MALRD1: variants seen among roughly 807,000 people sequenced by gnomAD.
The protein encoded by MALRD1 is MAM and LDL-receptor class A domain-containing protein 1.
Under a neutral mutation model 242.1 loss-of-function variants are expected in MALRD1, and 247 were observed. The ratio of observed to expected loss-of-function variants is 1.02; its 90% CI spans 0.92 to 1.13. The LOEUF (loss-of-function observed/expected upper bound fraction) is 1.13. Among genes scored for constraint, MALRD1 ranks in the 50% most tolerant of loss-of-function variants. The pLI is 0.00. For missense variants in MALRD1, 2,989 were observed against 2,533.1 expected (o/e 1.18, Z -3.86); for synonymous variants, 995 against 866.6 (o/e 1.15, Z -2.60).
At chr10:19,523,702 T>G (rs1221446604) in intron 31 of MALRD1, among the ~76,000 whole-genome samples, 1 of 152,194 alleles carries the variant, frequency 6.6e-6, no homozygotes, top group Non-Finnish European at 1.5e-5. Context: ...ATATATCATC[T>G]TCCTGTGATT....
chr10:19,479,753 A>T (rs1168869758), intron 29 of MALRD1, among the ~76,000 whole-genome samples: 1 of 152,104 alleles, frequency 6.6e-6, no homozygotes, highest in Non-Finnish European at 1.5e-5. Flanking sequence ...ATGTAAACAG[A>T]TTGGTGGGGC....
intron 34 of MALRD1, among the ~76,000 whole-genome samples, chr10:19,602,304 T>C (rs1037330691): frequency 6.6e-6 from 1 of 150,404 alleles, no homozygotes; most frequent in Non-Finnish European, 1.5e-5. Context: ...CATTAACTCA[T>C]CATTTACATT....
At chr10:19,529,079 G>A (rs756508365) in intron 31 of MALRD1, among the ~76,000 whole-genome samples, 5 of 152,178 alleles carry the variant, frequency 3.3e-5, no homozygotes, top group African/African-American at 1.2e-4. Flanking sequence ...CCCTTCAGGA[G>A]CCCTCCCACA....
chr10:19,692,621 T>C, intron 38 of MALRD1, 67 bp downstream of exon 38: 1 of 1,271,220 alleles, frequency 7.9e-7, no homozygotes, highest in Non-Finnish European at 1.1e-6. Flanking sequence ...AACATTTCCT[T>C]TGCTATTTTT....
At chr10:19,515,072 G>T (rs1833566414) in intron 31 of MALRD1, among the ~76,000 whole-genome samples, 1 of 143,190 alleles carries the variant, frequency 7.0e-6, no homozygotes. Flanking sequence ...CATTTCTTAT[G>T]CTTTAGGACA....
chr10:19,074,444 A>G (rs1342271028), intron 2 of MALRD1, among the ~76,000 whole-genome samples: 3 of 152,106 alleles, frequency 2.0e-5, no homozygotes, highest in Admixed American at 1.3e-4. Flanking sequence ...GTGTGTGTGC[A>G]TGAATTTGAA....
At position 19,064,453 on chromosome 10, in the gene MALRD1, A is replaced by T. The variant is rs187670619; in HGVS notation, c.200-2266A>T. Among the ~76,000 whole-genome samples the T allele has an allele frequency of 1.7e-4, 26 of 152,234 alleles. No homozygotes were observed. The South Asian group carries it at 2.7e-3, about 16-fold the overall frequency. ...TCTATTGAGGAAAATGAGTATTTGG[A>T]AAATTTTCTGATGTATTTTTGAGTC... is the stretch of plus-strand genomic sequence containing the variant. On this transcript the variant is annotated intron_variant, in intron 1 of 39. Coordinates refer to ENST00000454679, the MANE Select transcript of MALRD1 (RefSeq NM_001142308.3).
chr10:19,250,718 A>T (rs2131782797), intron 18 of MALRD1, among the ~76,000 whole-genome samples: 1 of 151,956 alleles, frequency 6.6e-6, no homozygotes, highest in East Asian at 1.9e-4. Flanking sequence ...AGTTAATCTC[A>T]TATGAGTTGA....
chr10:19,120,136 G>A (rs553186871), intron 5 of MALRD1, among the ~76,000 whole-genome samples: 1 of 152,076 alleles, frequency 6.6e-6, no homozygotes, highest in Non-Finnish European at 1.5e-5. Flanking sequence ...AAGGTTGTGG[G>A]TGTGTAGAGA....
At chr10:19,186,374 A>C (rs1835737946) in intron 14 of MALRD1, among the ~76,000 whole-genome samples, 1 of 152,168 alleles carries the variant, frequency 6.6e-6, no homozygotes, top group African/African-American at 2.4e-5. Flanking sequence ...ACGTCCATTC[A>C]CCCTCATTTA....
At chr10:19,412,952 GAAAGA>G (rs1833336727) in intron 28 of MALRD1, among the ~76,000 whole-genome samples, 1 of 151,978 alleles carries the variant, frequency 6.6e-6, no homozygotes, top group South Asian at 2.1e-4. Context: ...TACAAAGAAA[GAAAGA>G]AAATTATTCC....
intron 36 of MALRD1, among the ~76,000 whole-genome samples, chr10:19,640,207 A>C (rs937468376): frequency 6.6e-6 from 1 of 152,100 alleles, no homozygotes; most frequent in African/African-American, 2.4e-5. Flanking sequence ...CTCCTGCCTC[A>C]GCCTCCCAAG....
chr10:19,457,158 C>A (rs746688137), intron 29 of MALRD1, among the ~76,000 whole-genome samples: 1 of 152,084 alleles, frequency 6.6e-6, no homozygotes, highest in Admixed American at 6.6e-5. Flanking sequence ...CAAATATCAG[C>A]TGAGTTGATT....
At chr10:19,079,012 T>G (rs1439270945) in intron 2 of MALRD1, among the ~76,000 whole-genome samples, 2 of 151,448 alleles carry the variant, frequency 1.3e-5, no homozygotes, top group African/African-American at 2.4e-5. Context: ...TTTTATTTAT[T>G]TCTTCTCTAA....
chr10:19,228,227 C>G (rs952386242), intron 18 of MALRD1, among the ~76,000 whole-genome samples: 4 of 152,042 alleles, frequency 2.6e-5, no homozygotes, highest in Non-Finnish European at 5.9e-5. Context: ...TAAAAAGGAG[C>G]AAACTGATAC....
chr10:19,337,205 G>T (rs1843652450), intron 24 of MALRD1, among the ~76,000 whole-genome samples: 2 of 152,048 alleles, frequency 1.3e-5, no homozygotes, highest in Admixed American at 1.3e-4. Flanking sequence ...TAGACAATTT[G>T]TTAAGTAATA....
chr10:19,731,071 A>G lies in MALRD1; in HGVS notation c.6390+290A>G, dbSNP rs574434051. Among the ~76,000 whole-genome samples the G allele has an allele frequency of 1.2e-4, 18 of 152,308 alleles. No individual in the cohort carries two copies. The South Asian group carries it at 3.5e-3, about 30-fold the overall frequency. On this transcript the variant is annotated intron_variant, in intron 39 of 39. Transcript: ENST00000454679. ...TCAAAAAGAGCTGAAAAATCTGGGA[A>G]ATATCAGTTTAACCCACAGAGTATT... is the stretch of plus-strand genomic sequence containing the variant.
intron 38 of MALRD1, among the ~76,000 whole-genome samples, chr10:19,700,861 GAGA>G (rs1335851225): frequency 6.6e-6 from 1 of 152,158 alleles, no homozygotes; most frequent in Non-Finnish European, 1.5e-5. Context: ...GCACTCAAGA[GAGA>G]AGGATTCCCT....
At chr10:19,373,203 C>CAAAAAAAAAAAA (rs374095193) in intron 26 of MALRD1, among the ~76,000 whole-genome samples, 111 of 114,762 alleles carry the variant, frequency 9.7e-4, no homozygotes, top group Non-Finnish European at 1.2e-3. Context: ...ACGCTAAATA[C>CAAAAAAAAAAAA]AAAAAAAAAA....
Sources: allele counts gnomAD v4.1 joint callset (sites outside exome capture counted in the v4.1 genomes callset), GRCh38; gene constraint gnomAD v4.1.1; transcripts MANE v1.5; gene names NCBI Gene and HGNC (gene_info 2026-07-23, HGNC 2026-07-21).